EEF1AKMT2: variants seen among roughly 807,000 people sequenced by gnomAD.
EEF1AKMT2 encodes the protein eukaryotic translation elongation factor 1 alpha lysine methyltransferase 2.
In EEF1AKMT2, 32 loss-of-function variants were observed where a neutral mutation model predicts 35.8. The observed-to-expected ratio is 0.89, with a 90% CI of 0.67 to 1.20. The LOEUF (loss-of-function observed/expected upper bound fraction) is 1.20, where lower values mean the gene tolerates loss of function less well. Ranked by LOEUF, EEF1AKMT2 falls within the 50% of genes most tolerant of loss-of-function variation. The probability of loss-of-function intolerance (pLI) is 0.00; values close to 1 mark genes in which losing one functional copy is unlikely to be tolerated. For synonymous variants in EEF1AKMT2, 121 were observed against 133.7 expected, an observed-to-expected ratio of 0.91 and a Z score of 0.65; for missense variants, 330 against 347.5, an observed-to-expected ratio of 0.95 and a Z score of 0.40.
intron 4 of EEF1AKMT2, chr10:124,766,278 C>T (rs1185656356): frequency 1.3e-5 from 2 of 151,946 alleles, no homozygotes; most frequent in African/African-American, 4.8e-5. Context: ...ATTATCACTG[C>T]TTCACTTGAC....
rs1950305757 is a variant in EEF1AKMT2, at chr10:124,758,588, AAG to A, written c.*1913_*1914del. 2 of 152,110 alleles carry A rather than the reference AAG, an allele frequency of 1.3e-5. No individual in the cohort carries two copies. The highest frequency in any genetic ancestry group is 4.1e-4 in the South Asian group (2 of 4,836). The allele number at this position is 152,110 out of a possible 1,614,324, so 9.4% of individuals were successfully genotyped here. A position where few individuals can be genotyped will look rare whatever the true frequency, so the allele number is the denominator to read the frequency against. On this transcript the variant is annotated 3_prime_UTR_variant, in exon 7 of 7. Coordinates refer to ENST00000368836, the MANE Select transcript of EEF1AKMT2 (RefSeq NM_212554.4). ...TAGTGACTCGAAAAGCTTTTCAACA[AAG>A]AACCATTCTAAGCTTTTTGTGAATC...
chr10:124,762,311 C>T lies in EEF1AKMT2; in HGVS notation c.864G>A (p.Ser288=), dbSNP rs747504279. The change falls in exon 6 of 7, where the codon TCG becomes TCA. Residue 288 remains serine (S), a synonymous_variant. Transcript: ENST00000368836. ...GGAAGGTCACTTACTAAAATGCCAA[C>T]GAGGGCCTGGCATGGTATAATCCCA... ...KVLGLYHARP[S]LAF 4 of 1,074,982 alleles carry T rather than the reference C, an allele frequency of 3.7e-6. No individual in the cohort carries two copies. The highest frequency in any genetic ancestry group is 4.6e-6 in the Non-Finnish European group (4 of 864,636). 66.6% of individuals were successfully genotyped at this position (1,074,982 alleles called of 1,614,324 possible). A position where few individuals can be genotyped will look rare whatever the true frequency, so the allele number is the denominator to read the frequency against.
Position 124,783,137 on chromosome 10 carries a change from C to CTT in EEF1AKMT2, c.291+5904_291+5905dup, listed in dbSNP as rs34632746. On this transcript the variant is annotated intron_variant, in intron 3 of 6. Transcript: ENST00000368836. The stretch of plus-strand genomic sequence containing the variant: ...TATTGGTGAGGATATAGGGAAAAAC[C>CTT]TTTTTTTTTTTTTTTTTTTTTGAGA... Among the ~76,000 whole-genome samples, 147 of 85,000 alleles carry CTT rather than the reference C, an allele frequency of 1.7e-3. 1 individual carries two copies. Among genetic ancestry groups the CTT allele is most frequent in the African/African-American group, 2.4e-3 (59 of 24,246 alleles). 55.8% of individuals were successfully genotyped at this position (85,000 alleles called of 152,430 possible).
Position 124,774,726 on chromosome 10 carries a change from C to A in EEF1AKMT2, c.348G>T (p.Gln116His). Residue 116 changes from glutamine (Q) to histidine (H), a missense_variant, in exon 4 of 7, where the codon CAG becomes CAT. Coordinates refer to ENST00000368836, the MANE Select transcript of EEF1AKMT2 (RefSeq NM_212554.4). ...CTTTTTCTATAATACTTCCAGAAAG[C>A]TGAATTGCAGAAGGAGAGTAATCAA... is the stretch of plus-strand genomic sequence containing the variant. ...TGIDYSPSAI[Q>H]LSGSIIEKEG... The A allele has an allele frequency of 6.7e-7, 1 of 1,483,222 alleles. No homozygotes were observed. Among genetic ancestry groups the A allele is most frequent in the South Asian group, 1.5e-5 (1 of 66,188 alleles). 91.9% of individuals were successfully genotyped at this position (1,483,222 alleles called of 1,614,324 possible). A position where few individuals can be genotyped will look rare whatever the true frequency, so the allele number is the denominator to read the frequency against.
intron 4 of EEF1AKMT2, among the ~76,000 whole-genome samples, chr10:124,766,977 C>T (rs1328846055): frequency 2.0e-5 from 3 of 150,520 alleles, no homozygotes; most frequent in Non-Finnish European, 3.0e-5. Context: ...CTGGCTAACA[C>T]GGTGAAATCC....
At chr10:124,790,463 T>A in intron 1 of EEF1AKMT2, 125 bp from the exon 2 acceptor site, 1 of 681,178 alleles carries the variant, frequency 1.5e-6, no homozygotes, top group Non-Finnish European at 2.6e-6. Flanking sequence ...GTGTTATTAA[T>A]AAATACACAT....
At chr10:124,782,977 G>A (rs750435822) in intron 3 of EEF1AKMT2, 19 of 429,754 alleles carry the variant, frequency 4.4e-5, no homozygotes, top group Non-Finnish European at 7.3e-5. Flanking sequence ...CTGGCTACAA[G>A]AAATTCACTT....
intron 3 of EEF1AKMT2, among the ~76,000 whole-genome samples, chr10:124,788,093 T>G (rs888274320): frequency 6.6e-6 from 1 of 152,336 alleles, no homozygotes. Context: ...TACTTTGTAT[T>G]TCAATTTATC....
chr10:124,767,239 C>T (rs11245360), intron 4 of EEF1AKMT2, among the ~76,000 whole-genome samples: 72,442 of 148,074 alleles, frequency 0.49, 19,543 homozygotes, highest in South Asian at 0.65. Context: ...ATTGGCCGGG[C>T]GCAGTGGCTC....
intron 4 of EEF1AKMT2, among the ~76,000 whole-genome samples, chr10:124,771,630 G>A (rs1950437174): frequency 6.6e-6 from 1 of 151,944 alleles, no homozygotes; most frequent in African/African-American, 2.4e-5. Context: ...AGCACTTTGG[G>A]AGGCCAAGGC....
intron 4 of EEF1AKMT2, among the ~76,000 whole-genome samples, chr10:124,768,067 A>C (rs1950395071): frequency 6.6e-6 from 1 of 152,226 alleles, no homozygotes; most frequent in African/African-American, 2.4e-5. Flanking sequence ...GAATGAACCA[A>C]ACATGCTAAG....
chr10:124,765,280 C>A, intron 5 of EEF1AKMT2, 112 bp downstream of exon 5: 1 of 835,506 alleles, frequency 1.2e-6, no homozygotes, highest in Admixed American at 2.3e-5. Flanking sequence ...AAAAAGCAGG[C>A]AATTCCCACA....
intron 3 of EEF1AKMT2, among the ~76,000 whole-genome samples, chr10:124,787,098 C>A (rs1178105757): frequency 6.6e-6 from 1 of 150,714 alleles, no homozygotes; most frequent in East Asian, 2.0e-4. Flanking sequence ...TGGCGCCCAC[C>A]ACCACTCCCG....
chr10:124,767,518 AAAAAAAAAAG>A (rs1160286016), intron 4 of EEF1AKMT2, among the ~76,000 whole-genome samples: 8 of 151,582 alleles, frequency 5.3e-5, no homozygotes, highest in Non-Finnish European at 1.2e-4. Flanking sequence ...CCTCAAAAAA[AAAAAAAAAAG>A]AAAAGAAAAG....
intron 4 of EEF1AKMT2, among the ~76,000 whole-genome samples, chr10:124,768,466 C>T (rs1420972957): frequency 6.6e-6 from 1 of 151,992 alleles, no homozygotes; most frequent in Non-Finnish European, 1.5e-5. Context: ...AAAATTAGGC[C>T]GGGCGCAGTG....
chr10:124,787,706 A>C (rs1189884830), intron 3 of EEF1AKMT2, among the ~76,000 whole-genome samples: 1 of 151,874 alleles, frequency 6.6e-6, no homozygotes, highest in African/African-American at 2.4e-5. Context: ...TGATCTCACC[A>C]GTGCACTCCT....
intron 3 of EEF1AKMT2, among the ~76,000 whole-genome samples, chr10:124,784,617 C>T (rs1016635043): frequency 1.0e-4 from 15 of 150,024 alleles, no homozygotes; most frequent in African/African-American, 3.7e-4. Context: ...AAAAAAAGAA[C>T]AGAACTCAAT....
At chr10:124,776,444 T>C (rs1950487908) in intron 3 of EEF1AKMT2, among the ~76,000 whole-genome samples, 1 of 151,794 alleles carries the variant, frequency 6.6e-6, no homozygotes, top group African/African-American at 2.4e-5. Flanking sequence ...CTGACAGAAA[T>C]GACAATGACA....
At position 124,781,448 on chromosome 10, in the gene EEF1AKMT2, G is replaced by A. The variant is rs1456360551; in HGVS notation, c.292-6666C>T. Among the ~76,000 whole-genome samples the A allele has an allele frequency of 2.6e-5, 4 of 151,650 alleles. No homozygotes were observed. The East Asian group carries it at 7.9e-4, about 30-fold the overall frequency. ...ACAAAAAGTAGCCGGGTGTGGTGGT[G>A]GACACCTATAATCCCAGCTACTCGG... On this transcript the variant is annotated intron_variant, in intron 3 of 6. Coordinates refer to ENST00000368836, the MANE Select transcript of EEF1AKMT2 (RefSeq NM_212554.4).
Sources: allele counts gnomAD v4.1 joint callset (sites outside exome capture counted in the v4.1 genomes callset), GRCh38; gene constraint gnomAD v4.1.1; transcripts MANE v1.5; gene names NCBI Gene and HGNC (gene_info 2026-07-23, HGNC 2026-07-21).